Variants in IGF2R observed in about 807,000 individuals in gnomAD.
IGF2R encodes insulin like growth factor 2 receptor.
A neutral mutation model predicts 270.6 loss-of-function variants in IGF2R; 91 were observed. The ratio of observed to expected loss-of-function variants is 0.34; its 90% CI spans 0.28 to 0.40. IGF2R has a LOEUF of 0.40. IGF2R is among the 10% of genes least tolerant of loss of function. The pLI is 1.00. For missense variants in IGF2R, 2,805 were observed against 3,188.3 expected, an observed-to-expected ratio of 0.88 and a Z score of 2.90; for synonymous variants, 1,316 against 1,258.9, an observed-to-expected ratio of 1.05 and a Z score of -0.96.
intron 6 of IGF2R, among the ~76,000 whole-genome samples, chr6:160,028,828 C>CTTT (rs540300763): frequency 7.9e-5 from 11 of 139,856 alleles, no homozygotes; most frequent in Admixed American, 2.1e-4. Context: ...GCTTGTCTGC[C>CTTT]TTTTTTTTTT....
rs1562357720 is a variant in IGF2R, at chr6:160,050,437, AG to A, written c.2515-31del. The A allele has an allele frequency of 1.3e-6, 2 of 1,580,688 alleles. No individual in the cohort carries two copies. The highest frequency in any genetic ancestry group is 1.7e-6 in the Non-Finnish European group (2 of 1,156,686). ...CCAATAACGAATCGACTGTATCTTC[AG>A]GGGGAAAAGCCTAACAAGACTGGTT... On this transcript the variant is annotated intron_variant, in intron 18 of 47. Transcript: ENST00000356956. This position sits in a 1 kb window ranked among gnomAD's most constrained non-coding sequence, Gnocchi z 4.0.
At chr6:160,039,351 T>C (rs1158062235) in intron 10 of IGF2R, among the ~76,000 whole-genome samples, 3 of 152,224 alleles carry the variant, frequency 2.0e-5, no homozygotes, top group African/African-American at 7.2e-5. Flanking sequence ...CTTTTGAGGC[T>C]ACCGTTTTAT....
chr6:160,074,887 C>A (rs113523192), intron 35 of IGF2R, among the ~76,000 whole-genome samples: 1 of 152,184 alleles, frequency 6.6e-6, no homozygotes, highest in Non-Finnish European at 1.5e-5. Flanking sequence ...GCTGAGTCTC[C>A]CCAGGAAGCT....
At chr6:160,006,825 T>A (rs568461308) in intron 2 of IGF2R, 18 of 152,270 alleles carry the variant, frequency 1.2e-4, no homozygotes, top group Admixed American at 5.2e-4. Context: ...CCAACAAAAA[T>A]CTAGGATCTT....
intron 6 of IGF2R, among the ~76,000 whole-genome samples, chr6:160,028,594 G>A (rs1423302501): frequency 6.6e-6 from 1 of 152,214 alleles, no homozygotes; most frequent in African/African-American, 2.4e-5. Context: ...AGGCAGCCAG[G>A]GGCACTGGGC....
intron 30 of IGF2R, among the ~76,000 whole-genome samples, chr6:160,069,282 C>T (rs920812): frequency 0.31 from 47,846 of 151,964 alleles, 7,636 homozygotes; most frequent in Middle Eastern, 0.46. Flanking sequence ...GCCCCACCTG[C>T]ATCTTGGGTG....
rs374448811 is a variant in IGF2R, at chr6:160,068,295, A to G, written c.4162A>G (p.Ser1388Gly). The change falls in exon 30 of 48, where the codon AGT becomes GGT. Residue 1388 changes from serine to glycine, a missense_variant. Transcript: ENST00000356956. ...SFDLSSLSRY[S>G]DNWEAITGTG... Reference sequence around the variant, plus strand: ...CGACCTCTCGTCCCTGTCAAGGTACAGTGACAACTGGGAAGCCATCACTGG... The same window carrying G: ...CGACCTCTCGTCCCTGTCAAGGTACGGTGACAACTGGGAAGCCATCACTGG... The G allele has an allele frequency of 1.2e-4, 187 of 1,614,148 alleles. No homozygotes were observed. The highest frequency in any genetic ancestry group is 1.5e-4 in the Non-Finnish European group (177 of 1,180,048).
chr6:160,068,988 A>T (rs1778652931), intron 30 of IGF2R, among the ~76,000 whole-genome samples: 1 of 152,150 alleles, frequency 6.6e-6, no homozygotes, highest in South Asian at 2.1e-4. Context: ...GGAGATGAAG[A>T]TATAATAGAT....
intron 7 of IGF2R, among the ~76,000 whole-genome samples, chr6:160,030,827 T>G (rs1331737916): frequency 3.3e-5 from 5 of 151,714 alleles, no homozygotes; most frequent in Admixed American, 6.6e-5. Flanking sequence ...CCTCTGTTTT[T>G]TTTTTTTTTT....
chr6:160,097,324 A>T (rs758667803), intron 45 of IGF2R, among the ~76,000 whole-genome samples: 1 of 151,880 alleles, frequency 6.6e-6, no homozygotes, highest in Non-Finnish European at 1.5e-5. Context: ...TTGTATTTAT[A>T]TTTATTTTTA....
At chr6:160,025,787 A>G (rs1274748675) in intron 5 of IGF2R, among the ~76,000 whole-genome samples, 1 of 152,156 alleles carries the variant, frequency 6.6e-6, no homozygotes, top group Non-Finnish European at 1.5e-5. Context: ...CTGTAACTCA[A>G]GTTTGGTTAT....
intron 19 of IGF2R, among the ~76,000 whole-genome samples, chr6:160,054,485 A>G (rs542689591): frequency 1.3e-5 from 2 of 152,306 alleles, no homozygotes; most frequent in Admixed American, 6.5e-5. Flanking sequence ...TGTCAGAACC[A>G]CAAAAAGGGA....
At chr6:160,024,424 T>G in intron 4 of IGF2R, 148 bp from the exon 5 acceptor site, 1 of 715,482 alleles carries the variant, frequency 1.4e-6, no homozygotes, top group Non-Finnish European at 2.4e-6. Flanking sequence ...AGACGTTTAT[T>G]GACCTTTGCC....
chr6:160,061,449 T>C, intron 23 of IGF2R, 54 bp from the exon 24 acceptor site: 5 of 1,578,218 alleles, frequency 3.2e-6, no homozygotes. Context: ...AGGCAGTTCT[T>C]GAGTGCTCAC....
At position 160,069,925 on chromosome 6, in the gene IGF2R, T is replaced by G; in HGVS notation, c.4310T>G (p.Leu1437Arg). ...CTGGGTGGCTCCAAGCCCGTGAACC[T>G]CGGCAGGGTAAGGGACGGACCTCAG... ...CLLGGSKPVN[L>R]GRVRDGPQWR... The change falls in exon 31 of 48, where the codon CTC becomes CGC. Residue 1437 changes from leucine to arginine, a missense_variant. Leu to Arg is a moderately radical substitution (Grantham distance 102). Coordinates refer to ENST00000356956, the MANE Select transcript of IGF2R (RefSeq NM_000876.4). 6.2e-7 allele frequency: 1 copy of G among 1,614,222 alleles called. No homozygotes were observed. The highest frequency in any genetic ancestry group is 8.5e-7 in the Non-Finnish European group (1 of 1,180,038).
chr6:160,058,204 T>A, intron 21 of IGF2R, 80 bp downstream of exon 21: 1 of 907,156 alleles, frequency 1.1e-6, no homozygotes, highest in Non-Finnish European at 1.8e-6. Flanking sequence ...CACGTGGTGA[T>A]ATGAGAGAAT....
At chr6:160,097,907 G>T (rs1002819151) in intron 45 of IGF2R, among the ~76,000 whole-genome samples, 4 of 152,186 alleles carry the variant, frequency 2.6e-5, no homozygotes, top group Non-Finnish European at 5.9e-5. Flanking sequence ...ATCCTCAGCT[G>T]CACAGTCAGG....
At chr6:160,096,986 G>A (rs149268362) in intron 45 of IGF2R, among the ~76,000 whole-genome samples, 1 of 152,238 alleles carries the variant, frequency 6.6e-6, no homozygotes. Flanking sequence ...GCAAGTACTG[G>A]TGGTGCCTCC....
At chr6:160,087,274 A>G (rs113061250) in intron 41 of IGF2R, among the ~76,000 whole-genome samples, 4 of 152,306 alleles carry the variant, frequency 2.6e-5, no homozygotes, top group African/African-American at 9.6e-5. Context: ...ACATGAGGGT[A>G]CCTGTCAGGA....
Sources: gnomAD v4.1 joint callset for allele counts (sites outside exome capture counted in the v4.1 genomes callset) on GRCh38, gnomAD v4.1.1 for gene constraint, Gnocchi (gnomAD v3.1) non-coding constraint, MANE v1.5 for transcripts, NCBI Gene and HGNC (gene_info 2026-07-23, HGNC 2026-07-21) for gene names.